MAGI2: variants seen among roughly 807,000 people sequenced by gnomAD.
The protein encoded by MAGI2 is membrane-associated guanylate kinase, WW and PDZ domain-containing protein 2.
A neutral mutation model predicts 133.3 loss-of-function variants in MAGI2; 35 were observed. The ratio of observed to expected loss-of-function variants is 0.26; its 90% CI spans 0.20 to 0.35. The LOEUF is 0.35. MAGI2 is among the 10% of genes least tolerant of loss of function. The pLI is 1.00. For missense variants in MAGI2, 1,636 were observed against 1,863.4 expected, an observed-to-expected ratio of 0.88 and a Z score of 2.25; for synonymous variants, 729 against 710.6, an observed-to-expected ratio of 1.03 and a Z score of -0.41.
chr7:78,710,382 T>C (rs1819066126), intron 2 of MAGI2, among the ~76,000 whole-genome samples: 1 of 152,202 alleles, frequency 6.6e-6, no homozygotes, highest in Non-Finnish European at 1.5e-5. Flanking sequence ...AAGAACCCTA[T>C]GTTTGGGGAG....
At chr7:78,229,627 A>G (rs1470586393) in intron 10 of MAGI2, among the ~76,000 whole-genome samples, 1 of 152,222 alleles carries the variant, frequency 6.6e-6, no homozygotes, top group Non-Finnish European at 1.5e-5. Context: ...ACAGCTCTGG[A>G]TCACTCTGCC....
chr7:78,947,888 T>C (rs1801551311), intron 2 of MAGI2, among the ~76,000 whole-genome samples: 1 of 152,148 alleles, frequency 6.6e-6, no homozygotes, highest in Non-Finnish European at 1.5e-5. Context: ...ATTGCATTTA[T>C]CTAAGAATTA....
At chr7:79,042,944 A>G (rs551894179) in intron 1 of MAGI2, among the ~76,000 whole-genome samples, 1 of 152,278 alleles carries the variant, frequency 6.6e-6, no homozygotes, top group East Asian at 1.9e-4. Flanking sequence ...TCAAAACTAT[A>G]CAATCATGGA....
intron 1 of MAGI2, among the ~76,000 whole-genome samples, chr7:79,252,977 T>C (rs1047540420): frequency 1.3e-5 from 2 of 152,172 alleles, no homozygotes; most frequent in African/African-American, 4.8e-5. Flanking sequence ...ATGCCACTGT[T>C]AAAATAACTG....
rs1248555606 is a variant in MAGI2, at chr7:78,629,339, C to G, written c.419-2100G>C. On this transcript the variant is annotated intron_variant, in intron 2 of 21. Coordinates refer to ENST00000354212, the MANE Select transcript of MAGI2 (RefSeq NM_012301.4). Reference sequence around the variant, plus strand: ...ACCTACCTCATTGTGGCTTGAAGTTCTGCTCTACAATCTCAAATGCTGCAA... The same window carrying G: ...ACCTACCTCATTGTGGCTTGAAGTTGTGCTCTACAATCTCAAATGCTGCAA... Among the ~76,000 whole-genome samples the G allele has an allele frequency of 2.0e-5, 3 of 152,164 alleles. No homozygotes were observed. The East Asian group carries it at 5.8e-4, about 29-fold the overall frequency.
chr7:78,536,800 G>A (rs992599666), intron 3 of MAGI2, among the ~76,000 whole-genome samples: 3 of 134,954 alleles, frequency 2.2e-5, no homozygotes, highest in Non-Finnish European at 1.5e-5. Context: ...TTGCTCTGTC[G>A]CCCAGGCTGG....
chr7:79,193,603 T>C (rs891689874), intron 1 of MAGI2, among the ~76,000 whole-genome samples: 3 of 151,864 alleles, frequency 2.0e-5, no homozygotes, highest in African/African-American at 7.3e-5. Context: ...AATAAACTAA[T>C]AACTTAAGAA....
At chr7:78,025,744 C>G (rs1242557008) in intron 21 of MAGI2, among the ~76,000 whole-genome samples, 1 of 152,120 alleles carries the variant, frequency 6.6e-6, no homozygotes, top group East Asian at 1.9e-4. Context: ...GGAGAGGGAA[C>G]AAGGAGGAAG....
Position 79,370,443 on chromosome 7 carries a change from C to CA in MAGI2, c.301+82576dup, listed in dbSNP as rs200159159. ...ATTCCTCTTAGCACAATGTAAGTAA[C>CA]AAAAAAAATGCATGTCTTACTCATT... On this transcript the variant is annotated intron_variant, in intron 1 of 21. Transcript: ENST00000354212. Among the ~76,000 whole-genome samples the CA allele has an allele frequency of 8.6e-3, 1,297 of 151,572 alleles. 12 individuals carry two copies. The highest frequency in any genetic ancestry group is 0.03 in the African/African-American group (1,238 of 41,372).
At chr7:78,225,270 A>G (rs529964527) in intron 10 of MAGI2, among the ~76,000 whole-genome samples, 1 of 152,294 alleles carries the variant, frequency 6.6e-6, no homozygotes, top group East Asian at 1.9e-4. Context: ...TAGAAACACT[A>G]TGCCTTGGTT....
rs559314315 is a variant in MAGI2, at chr7:78,875,947, G to A, written c.418+131143C>T. ...ATTAGATGTGGGGAAAAAAATCAGT[G>A]AGCTTGGTGATGCATTAATAACAGC... On this transcript the variant is annotated intron_variant, in intron 2 of 21. Coordinates refer to ENST00000354212, the MANE Select transcript of MAGI2 (RefSeq NM_012301.4). 2.0e-5 allele frequency among the ~76,000 whole-genome samples: 3 copies of A among 152,256 alleles called. No individual in the cohort carries two copies. In the South Asian group the frequency reaches 6.2e-4, roughly 32 times the overall value.
At chr7:79,118,709 C>A (rs1033840465) in intron 1 of MAGI2, among the ~76,000 whole-genome samples, 2 of 152,058 alleles carry the variant, frequency 1.3e-5, no homozygotes, top group Non-Finnish European at 2.9e-5. Flanking sequence ...TTTCTTGGTT[C>A]CTTTCCTAGA....
intron 1 of MAGI2, among the ~76,000 whole-genome samples, chr7:79,118,717 A>G (rs1273304762): frequency 6.6e-6 from 1 of 152,136 alleles, no homozygotes; most frequent in African/African-American, 2.4e-5. Flanking sequence ...TTCCTTTCCT[A>G]GAAGTGCTAC....
At chr7:78,893,444 G>A (rs189733485) in intron 2 of MAGI2, among the ~76,000 whole-genome samples, 6,015 of 152,046 alleles carry the variant, frequency 0.04, 332 homozygotes, top group African/African-American at 0.12. Flanking sequence ...TGTTTATTGC[G>A]GCACTATTCA....
At chr7:78,227,003 G>A (rs967092951) in intron 10 of MAGI2, among the ~76,000 whole-genome samples, 1 of 152,022 alleles carries the variant, frequency 6.6e-6, no homozygotes, top group Non-Finnish European at 1.5e-5. Flanking sequence ...ATATTTTGTG[G>A]GACAGCATCA....
chr7:78,289,419 T>C (rs1344860086), intron 9 of MAGI2, among the ~76,000 whole-genome samples: 1 of 151,582 alleles, frequency 6.6e-6, no homozygotes, highest in African/African-American at 2.4e-5. Flanking sequence ...AAGTAAAAAA[T>C]GAACAAAGCC....
intron 1 of MAGI2, among the ~76,000 whole-genome samples, chr7:79,045,127 T>C (rs1219935028): frequency 6.6e-6 from 1 of 152,182 alleles, no homozygotes; most frequent in Non-Finnish European, 1.5e-5. Flanking sequence ...AATGAAACTA[T>C]ACTCAAGAAG....
chr7:79,413,207 A>G (rs1035371279), intron 1 of MAGI2: 2 of 152,116 alleles, frequency 1.3e-5, no homozygotes, highest in African/African-American at 4.8e-5. Flanking sequence ...GACAGCTTAG[A>G]TGTTATATTG....
intron 3 of MAGI2, among the ~76,000 whole-genome samples, chr7:78,557,345 G>T (rs985089734): frequency 1.3e-5 from 2 of 152,150 alleles, no homozygotes; most frequent in East Asian, 3.9e-4. Context: ...AGTTAGCATT[G>T]TTGTATTCTC....
Sources: gnomAD v4.1 joint callset for allele counts (sites outside exome capture counted in the v4.1 genomes callset) on GRCh38, gnomAD v4.1.1 for gene constraint, MANE v1.5 for transcripts, NCBI Gene and HGNC (gene_info 2026-07-23, HGNC 2026-07-21) for gene names.